Variants in WDFY3 observed in about 807,000 individuals in gnomAD.
The protein encoded by WDFY3 is WD repeat and FYVE domain-containing protein 3.
In WDFY3, 66 loss-of-function variants were observed where a neutral mutation model predicts 409.6. That is an observed-to-expected ratio of 0.16 (90% confidence interval 0.13 to 0.20). The LOEUF is 0.20. Among genes scored for constraint, WDFY3 ranks in the 10% least tolerant of loss-of-function variants. The pLI, the probability that WDFY3 is intolerant of heterozygous loss-of-function variation, is 1.00. For synonymous variants in WDFY3, 1,521 were observed against 1,537.1 expected, an observed-to-expected ratio of 0.99 and a Z score of 0.25; for missense variants, 3,031 against 4,298.1, an observed-to-expected ratio of 0.71 and a Z score of 8.24.
At chr4:84,866,194 G>A (rs1462502284) in intron 3 of WDFY3, among the ~76,000 whole-genome samples, 1 of 152,152 alleles carries the variant, frequency 6.6e-6, no homozygotes, top group African/African-American at 2.4e-5. Context: ...TGCTCCTAAT[G>A]TACCAAATAA....
At chr4:84,917,381 T>C (rs1000448692) in intron 2 of WDFY3, among the ~76,000 whole-genome samples, 1 of 152,160 alleles carries the variant, frequency 6.6e-6, no homozygotes, top group Non-Finnish European at 1.5e-5. Flanking sequence ...AAACGTATAA[T>C]CTAAGTCATT....
At chr4:84,847,423 T>C (rs1022885233) in intron 5 of WDFY3, among the ~76,000 whole-genome samples, 4 of 151,848 alleles carry the variant, frequency 2.6e-5, no homozygotes, top group Non-Finnish European at 5.9e-5. Flanking sequence ...AAAACCTTTT[T>C]ATTAAACCTG....
rs927211719 is a variant in WDFY3, at chr4:84,761,145, G to A, written c.5189-3984C>T. On this transcript the variant is annotated intron_variant, in intron 32 of 67. Transcript: ENST00000295888. ...GTGAGTTTCTTAATCCTGAGTTCTA[G>A]TTTGATTGCACTGTGGTCTGAGAGA... 1.1e-4 allele frequency among the ~76,000 whole-genome samples: 17 copies of A among 152,080 alleles called. 1 individual carries two copies. The highest frequency in any genetic ancestry group is 6.8e-3 in the Middle Eastern group (2 of 294).
intron 1 of WDFY3, among the ~76,000 whole-genome samples, chr4:84,935,251 G>A (rs967579140): frequency 3.3e-5 from 5 of 152,156 alleles, no homozygotes; most frequent in African/African-American, 1.2e-4. Flanking sequence ...GAGTTAGGGA[G>A]TAATCTTAAA....
intron 57 of WDFY3, among the ~76,000 whole-genome samples, chr4:84,696,419 G>C (rs1470916180): frequency 6.6e-6 from 1 of 152,054 alleles, no homozygotes; most frequent in African/African-American, 2.4e-5. Flanking sequence ...CATTCACATA[G>C]CTCTTAGTAG....
At position 84,740,285 on chromosome 4, in the gene WDFY3, G is replaced by A. The variant is rs1442264525; in HGVS notation, c.6366C>T (p.Val2122=). Residue 2122 remains valine (V), a synonymous_variant, in exon 39 of 68, where the codon GTC becomes GTT. Transcript: ENST00000295888. The stretch of plus-strand genomic sequence containing the variant: ...GGATCAAGTTTCTGTTTACAGTGAG[G>A]ACCCTGAGTGAATCAAGCAGAGCTA... The part of the protein sequence containing the change: ...QQVALLDSLR[V]LTVNRNLILG... 9.9e-6 allele frequency: 16 copies of A among 1,613,984 alleles called. 1 individual carries two copies. The highest frequency in any genetic ancestry group is 1.6e-4 in the Middle Eastern group (1 of 6,062).
At chr4:84,678,606 T>A (rs548162555) in intron 65 of WDFY3, among the ~76,000 whole-genome samples, 1 of 152,374 alleles carries the variant, frequency 6.6e-6, no homozygotes, top group African/African-American at 2.4e-5. Flanking sequence ...AAATGCAGTT[T>A]TATTTATTCA....
chr4:84,700,605 T>G (rs1730921367), intron 56 of WDFY3, among the ~76,000 whole-genome samples: 1 of 152,210 alleles, frequency 6.6e-6, no homozygotes, highest in Non-Finnish European at 1.5e-5. Flanking sequence ...TTTACTTATT[T>G]TAAAAGTAGA....
intron 53 of WDFY3, 124 bp downstream of exon 53, chr4:84,708,785 C>T (rs1216009251): frequency 3.9e-6 from 4 of 1,021,968 alleles, no homozygotes; most frequent in African/African-American, 1.6e-5. Context: ...AAGTGATTCG[C>T]CTCTCTTAGC....
At chr4:84,838,263 T>A (rs925149919) in intron 6 of WDFY3, among the ~76,000 whole-genome samples, 1 of 152,216 alleles carries the variant, frequency 6.6e-6, no homozygotes, top group African/African-American at 2.4e-5. Context: ...ATTCCTTAAG[T>A]CAACCCCATG....
At chr4:84,947,089 G>A (rs910696909) in intron 1 of WDFY3, among the ~76,000 whole-genome samples, 1 of 151,676 alleles carries the variant, frequency 6.6e-6, no homozygotes, top group African/African-American at 2.4e-5. Context: ...TTACAGGCGT[G>A]AGCCACCGTG....
At chr4:84,791,771 T>G (rs116306883) in intron 21 of WDFY3, among the ~76,000 whole-genome samples, 3,141 of 152,264 alleles carry the variant, frequency 0.021, 37 homozygotes, top group Non-Finnish European at 0.032. Flanking sequence ...TCAGACAACT[T>G]TGTCCCACGT....
In WDFY3 at chr4:84,736,022, G is replaced by C; in HGVS notation, c.6915+148C>G. The C allele has an allele frequency of 3.6e-6, 3 of 826,628 alleles. No homozygotes were observed. The Admixed American group carries it at 1.0e-4, about 29-fold the overall frequency. The allele number at this position is 826,628 out of a possible 1,614,324, so 51.2% of individuals were successfully genotyped here. On this transcript the variant is annotated intron_variant, in intron 42 of 67. Coordinates refer to ENST00000295888, the MANE Select transcript of WDFY3 (RefSeq NM_014991.6). Reference sequence around the variant, plus strand: ...ATATATAGTTTTATCATAAGAAAATGAGAGAAATTCCCATAGTCTGGATTA... The same window carrying C: ...ATATATAGTTTTATCATAAGAAAATCAGAGAAATTCCCATAGTCTGGATTA...
chr4:84,715,776 G>GAAAAAA (rs370627075), intron 49 of WDFY3, among the ~76,000 whole-genome samples: 3 of 46,456 alleles, frequency 6.5e-5, no homozygotes, highest in African/African-American at 8.5e-5. Context: ...CTCTGTCTCA[G>GAAAAAA]AAAAAAAAAA....
intron 56 of WDFY3, among the ~76,000 whole-genome samples, chr4:84,697,919 G>A (rs895453823): frequency 6.6e-6 from 1 of 152,178 alleles, no homozygotes; most frequent in Admixed American, 6.5e-5. Context: ...TATTTACAAT[G>A]TGATATCGAG....
Position 84,850,926 on chromosome 4 carries a change from C to CTTTTTTTTTTTTTTTTTTTTTTTTT in WDFY3, c.181-902_181-901insAAAAAAAAAAAAAAAAAAAAAAAAA, listed in dbSNP as rs781440189. Among the ~76,000 whole-genome samples, 40 of 32,140 alleles carry CTTTTTTTTTTTTTTTTTTTTTTTTT rather than the reference C, an allele frequency of 1.2e-3. 4 individuals are homozygous for CTTTTTTTTTTTTTTTTTTTTTTTTT. The highest frequency in any genetic ancestry group is 1.9e-3 in the Admixed American group (5 of 2,698). 21.1% of individuals were successfully genotyped at this position (32,140 alleles called of 152,430 possible). The stretch of plus-strand genomic sequence containing the variant: ...AATTCTTATTTTTAATTTTATTTAT[C>CTTTTTTTTTTTTTTTTTTTTTTTTT]TGTTTTTTTTTTTTTTTTTTTTTTT... On this transcript the variant is annotated intron_variant, in intron 4 of 67. Coordinates refer to ENST00000295888, the MANE Select transcript of WDFY3 (RefSeq NM_014991.6).
At chr4:84,877,563 A>G (rs879915241) in intron 3 of WDFY3, among the ~76,000 whole-genome samples, 1 of 152,112 alleles carries the variant, frequency 6.6e-6, no homozygotes, top group Non-Finnish European at 1.5e-5. Context: ...CTTCCCAAAG[A>G]GTTGGAATTA....
At chr4:84,905,533 C>T (rs1023689115) in intron 2 of WDFY3, among the ~76,000 whole-genome samples, 29 of 152,226 alleles carry the variant, frequency 1.9e-4, no homozygotes, top group African/African-American at 7.0e-4. Flanking sequence ...CTTTTCTCTC[C>T]CAACACTTTA....
chr4:84,930,001 G>A (rs948762048), intron 2 of WDFY3, among the ~76,000 whole-genome samples: 15 of 151,864 alleles, frequency 9.9e-5, no homozygotes, highest in African/African-American at 2.7e-4. Context: ...TAAAAGCCAA[G>A]AAAACAGGAC....
Sources: allele counts gnomAD v4.1 joint callset (sites outside exome capture counted in the v4.1 genomes callset), GRCh38; gene constraint gnomAD v4.1.1; transcripts MANE v1.5; gene names NCBI Gene and HGNC (gene_info 2026-07-23, HGNC 2026-07-21).